Variants in GABARAPL2 observed in about 807,000 individuals in gnomAD.
GABARAPL2 encodes gamma-aminobutyric acid receptor-associated protein-like 2.
In GABARAPL2, 11 loss-of-function variants were observed where a neutral mutation model predicts 16.9. The observed-to-expected ratio is 0.65, with a 90% confidence interval of 0.41 to 1.08. The LOEUF is 1.08. Ranked by LOEUF, GABARAPL2 falls within the 50% of genes least tolerant of loss-of-function variation. The pLI is 0.00. For missense variants in GABARAPL2, 134 were observed against 142.5 expected (o/e 0.94, Z 0.30); for synonymous variants, 57 against 50.7 (o/e 1.12, Z -0.53).
intron 2 of GABARAPL2, among the ~76,000 whole-genome samples, chr16:75,567,727 G>C (rs1176597312): frequency 6.6e-6 from 1 of 152,136 alleles, no homozygotes; most frequent in Non-Finnish European, 1.5e-5. Flanking sequence ...TGGAGTAACG[G>C]GCCATGGATG....
chr16:75,566,586 C>T, intron 1 of GABARAPL2, 66 bp downstream of exon 1: 1 of 1,571,106 alleles, frequency 6.4e-7, no homozygotes, highest in Non-Finnish European at 8.7e-7. Context: ...CTCCCCCACT[C>T]GGGCGGCCCT....
In GABARAPL2 at chr16:75,568,113, C is replaced by G; in HGVS notation, c.167C>G (p.Thr56Ser). Residue 56 changes from threonine (T) to serine (S), a missense_variant, in exon 3 of 4, where the codon ACT becomes AGT. Physicochemically the swap from Thr to Ser is moderately conservative, Grantham distance 58. Transcript: ENST00000037243. ...AAGTACTTGGTTCCATCTGATATCA[C>G]TGTGGCTCAGTTCATGTGGATCATC... The part of the protein sequence containing the change: ...KRKYLVPSDI[T>S]VAQFMWIIRK... 1 of 1,612,396 alleles carries G rather than the reference C, an allele frequency of 6.2e-7. No homozygotes were observed. The highest frequency in any genetic ancestry group is 8.5e-7 in the Non-Finnish European group (1 of 1,178,398).
chr16:75,567,223 T>C (rs915901437), intron 2 of GABARAPL2, among the ~76,000 whole-genome samples: 3 of 152,192 alleles, frequency 2.0e-5, no homozygotes, highest in Non-Finnish European at 2.9e-5. Context: ...GGAATGGTGG[T>C]GGAGGGAGAC....
At position 75,577,781 on chromosome 16, in the gene GABARAPL2, G is replaced by T; in HGVS notation, c.*412G>T. 6.2e-6 allele frequency: 1 copy of T among 160,644 alleles called. No homozygotes were observed. The highest frequency in any genetic ancestry group is 1.4e-5 in the Non-Finnish European group (1 of 72,682). 10.0% of individuals were successfully genotyped at this position (160,644 alleles called of 1,614,324 possible). On this transcript the variant is annotated 3_prime_UTR_variant, in exon 4 of 4. Transcript: ENST00000037243. ...AGCAGTCAGAACACTTGCTTCACTA[G>T]AATATGCCAACTGCCAATCATGTTG... is the stretch of plus-strand genomic sequence containing the variant.
rs754324063 is a variant in GABARAPL2, at chr16:75,577,356, C to G, written c.341C>G (p.Thr114Ser). The change falls in exon 4 of 4, where the codon ACT becomes AGT. Residue 114 changes from threonine to serine, a missense_variant. Transcript: ENST00000037243. ...FLYVAYSGENTFGF is the reference protein window; with the variant it reads ...FLYVAYSGENSFGF ...TATGTGGCCTACAGCGGAGAGAACA[C>G]TTTTGGCTTCTGAGGGCCATTGCTG... The G allele has an allele frequency of 5.6e-6, 9 of 1,606,338 alleles. No individual in the cohort carries two copies. The highest frequency in any genetic ancestry group is 1.3e-5 in the African/African-American group (1 of 74,748).
chr16:75,573,727 G>C (rs1221941607), intron 3 of GABARAPL2, among the ~76,000 whole-genome samples: 2 of 152,220 alleles, frequency 1.3e-5, no homozygotes, highest in Non-Finnish European at 2.9e-5. Context: ...TTCTAAGGAA[G>C]ATCTCTGCAG....
chr16:75,567,927 C>T lies in GABARAPL2; in HGVS notation c.91-110C>T, dbSNP rs115907908. ...CAAAGACATATTTTCTCCTGCTATG[C>T]AGTTCCCCACCCACCTCCTTGCCCA... On this transcript the variant is annotated intron_variant, in intron 2 of 3. Transcript: ENST00000037243. The T allele has an allele frequency of 3.5e-3, 2,449 of 705,664 alleles. 43 individuals carry two copies. The highest frequency in any genetic ancestry group is 0.027 in the African/African-American group (1,515 of 56,884). 43.7% of individuals were successfully genotyped at this position (705,664 alleles called of 1,614,324 possible).
At chr16:75,575,352 A>G (rs2080941425) in intron 3 of GABARAPL2, among the ~76,000 whole-genome samples, 1 of 151,962 alleles carries the variant, frequency 6.6e-6, no homozygotes, top group Non-Finnish European at 1.5e-5. Context: ...CTGCAGTACA[A>G]TGGCACGATC....
chr16:75,574,054 T>C (rs1182414097), intron 3 of GABARAPL2, among the ~76,000 whole-genome samples: 2 of 152,208 alleles, frequency 1.3e-5, no homozygotes, highest in Non-Finnish European at 2.9e-5. Context: ...CAAGTTTTAC[T>C]TAAAAGACAA....
intron 3 of GABARAPL2, chr16:75,572,185 A>G (rs1216157010): frequency 1.3e-5 from 2 of 152,110 alleles, no homozygotes; most frequent in East Asian, 3.9e-4. Flanking sequence ...AACAACAACC[A>G]GTGGTTAATC....
At chr16:75,574,354 T>A (rs982794200) in intron 3 of GABARAPL2, among the ~76,000 whole-genome samples, 2 of 152,216 alleles carry the variant, frequency 1.3e-5, no homozygotes, top group Non-Finnish European at 2.9e-5. Context: ...AGAGACACTA[T>A]GGGGCGACTC....
chr16:75,577,804 T>G lies in GABARAPL2; in HGVS notation c.*435T>G, dbSNP rs1464223425. ...TAGAATATGCCAACTGCCAATCATG[T>G]TGGACTGAGCTAATTTGTTCCTCTT... On this transcript the variant is annotated 3_prime_UTR_variant, in exon 4 of 4. Transcript: ENST00000037243. The G allele has an allele frequency of 1.2e-5, 2 of 160,258 alleles. No homozygotes were observed. Among genetic ancestry groups the G allele is most frequent in the Non-Finnish European group, 2.8e-5 (2 of 72,532 alleles). The allele number at this position is 160,258 out of a possible 1,614,324, so 9.9% of individuals were successfully genotyped here. A position where few individuals can be genotyped will look rare whatever the true frequency, so the allele number is the denominator to read the frequency against.
At position 75,567,950 on chromosome 16, in the gene GABARAPL2, C is replaced by G. The variant is rs558695819; in HGVS notation, c.91-87C>G. ...TGCAGTTCCCCACCCACCTCCTTGC[C>G]CACACTCTGTTCATCAGCTCCTCAG... On this transcript the variant is annotated intron_variant, in intron 2 of 3. Coordinates refer to ENST00000037243, the MANE Select transcript of GABARAPL2 (RefSeq NM_007285.7). 13 of 1,010,106 alleles carry G rather than the reference C, an allele frequency of 1.3e-5. No individual in the cohort carries two copies. In the Admixed American group the frequency reaches 2.3e-4, roughly 18 times the overall value. 62.6% of individuals were successfully genotyped at this position (1,010,106 alleles called of 1,614,324 possible).
chr16:75,570,532 G>A (rs1331887595), intron 3 of GABARAPL2, among the ~76,000 whole-genome samples: 2 of 152,122 alleles, frequency 1.3e-5, no homozygotes, highest in African/African-American at 4.8e-5. Flanking sequence ...GAGAAGGGAC[G>A]AATTCAGGCC....
At chr16:75,567,040 G>C in intron 2 of GABARAPL2, 133 bp downstream of exon 2, 1 of 781,858 alleles carries the variant, frequency 1.3e-6, no homozygotes, top group Non-Finnish European at 2.1e-6. Context: ...GCCAGACCGG[G>C]ATGAGGCCGC....
chr16:75,567,879 C>G (rs1567444667), intron 2 of GABARAPL2, among the ~76,000 whole-genome samples, 158 bp from the exon 3 acceptor site: 1 of 152,318 alleles, frequency 6.6e-6, no homozygotes, highest in East Asian at 1.9e-4. Context: ...TTCTTAACCT[C>G]CAGAGCGTGT....
At chr16:75,573,681 C>T (rs751092878) in intron 3 of GABARAPL2, among the ~76,000 whole-genome samples, 3 of 152,146 alleles carry the variant, frequency 2.0e-5, no homozygotes, top group Admixed American at 6.5e-5. Flanking sequence ...CTTGATGTTC[C>T]GATGGTTGGT....
chr16:75,575,477 T>A (rs2080943176), intron 3 of GABARAPL2: 1 of 151,922 alleles, frequency 6.6e-6, no homozygotes, highest in Non-Finnish European at 1.5e-5. Context: ...TTTGACAGAG[T>A]CTCGCTCTGT....
At chr16:75,570,736 T>G (rs7194374) in intron 3 of GABARAPL2, among the ~76,000 whole-genome samples, 1 of 152,176 alleles carries the variant, frequency 6.6e-6, no homozygotes, top group African/African-American at 2.4e-5. Flanking sequence ...CAGAGGCAAG[T>G]CCCTAAGTTT....
Sources: gnomAD v4.1 joint callset for allele counts (sites outside exome capture counted in the v4.1 genomes callset) on GRCh38, gnomAD v4.1.1 for gene constraint, MANE v1.5 for transcripts, NCBI Gene and HGNC (gene_info 2026-07-23, HGNC 2026-07-21) for gene names.